LZTR1: variants seen among roughly 807,000 people sequenced by gnomAD.
LZTR1 encodes the protein leucine zipper like post translational regulator 1.
In LZTR1, 260 loss-of-function variants were observed where a neutral mutation model predicts 105.7. The ratio of observed to expected loss-of-function variants is 2.46; its 90% CI spans 2.22 to 2.72. LZTR1 has a LOEUF of 2.72. Among genes scored for constraint, LZTR1 ranks in the 30% most tolerant of loss-of-function variants. The pLI is 0.00. For missense variants in LZTR1, 1,214 were observed against 1,166.9 expected (o/e 1.04, Z -0.59); for synonymous variants, 490 against 476.4 (o/e 1.03, Z -0.37).
Position 20,982,350 on chromosome 22 carries a change from G to A in LZTR1, c.-22G>A, listed in dbSNP as rs757590768. The A allele has an allele frequency of 1.1e-5, 17 of 1,535,966 alleles. No individual in the cohort carries two copies. The highest frequency in any genetic ancestry group is 1.4e-5 in the Non-Finnish European group (16 of 1,138,628). ...GGCCGCAAGTTGGGCTTACAGCGCG[G>A]CCGATCCGGCGTGGACCCGGGATGG... On this transcript the variant is annotated 5_prime_UTR_variant, in exon 1 of 21. Coordinates refer to ENST00000646124, the MANE Select transcript of LZTR1 (RefSeq NM_006767.4).
rs192916675 is a variant in LZTR1, at chr22:20,985,027, G to A, written c.264-814G>A. 1.3e-4 allele frequency among the ~76,000 whole-genome samples: 19 copies of A among 151,826 alleles called. No homozygotes were observed. The East Asian group carries it at 1.9e-3, about 16-fold the overall frequency. On this transcript the variant is annotated intron_variant, in intron 2 of 20. Coordinates refer to ENST00000646124, the MANE Select transcript of LZTR1 (RefSeq NM_006767.4). Reference sequence around the variant, plus strand: ...TCACTTGAGGCCAGGCATTCAAGACGAGCCTGGGCAGGAAAGCAAGACTTC... The same window carrying A: ...TCACTTGAGGCCAGGCATTCAAGACAAGCCTGGGCAGGAAAGCAAGACTTC...
intron 8 of LZTR1, 42 bp from the exon 9 acceptor site, chr22:20,991,586 G>A (rs376910406): frequency 2.3e-5 from 33 of 1,464,668 alleles, no homozygotes; most frequent in Middle Eastern, 4.8e-4. Flanking sequence ...GGGTGAGCAG[G>A]AGCCCCTGTC....
At chr22:20,992,664 T>A in intron 10 of LZTR1, 130 bp from the exon 11 acceptor site, 1 of 666,204 alleles carries the variant, frequency 1.5e-6, no homozygotes, top group Non-Finnish European at 2.6e-6. Flanking sequence ...GGGGCCCTCA[T>A]CCCTTGGGGA....
chr22:20,988,370 C>T (rs1271456697), intron 5 of LZTR1, among the ~76,000 whole-genome samples: 3 of 152,112 alleles, frequency 2.0e-5, no homozygotes, highest in African/African-American at 4.8e-5. Flanking sequence ...TTTGGGAAGC[C>T]GAGGTGGGAA....
rs1924360657 is a variant in LZTR1, at chr22:20,985,823, C to A, written c.264-18C>A. 5 of 1,613,798 alleles carry A rather than the reference C, an allele frequency of 3.1e-6. No individual in the cohort carries two copies. The South Asian group carries it at 4.4e-5, about 14-fold the overall frequency. ...GTAGACCTGGCTAATGCCACCCTCTCTTCCGGCTGCCTTTCAGGAAGACCA... is the reference window on the plus strand; with the variant it reads ...GTAGACCTGGCTAATGCCACCCTCTATTCCGGCTGCCTTTCAGGAAGACCA... On this transcript the variant is annotated intron_variant, in intron 2 of 20. Coordinates refer to ENST00000646124, the MANE Select transcript of LZTR1 (RefSeq NM_006767.4).
chr22:20,991,732 T>C lies in LZTR1; in HGVS notation c.896T>C (p.Phe299Ser). 1 of 1,579,356 alleles carries C rather than the reference T, an allele frequency of 6.3e-7. No homozygotes were observed. Among genetic ancestry groups the C allele is most frequent in the South Asian group, 1.2e-5 (1 of 86,572 alleles). The change falls in exon 9 of 21, where the codon TTT becomes TCT. Residue 299 changes from phenylalanine to serine, a missense_variant. Transcript: ENST00000646124. ...GCCTTTGACCGCCACCTCTATGTGTTTGGGGGTGCGGCCGACAACACGCTG... is the reference window on the plus strand; with the variant it reads ...GCCTTTGACCGCCACCTCTATGTGTCTGGGGGTGCGGCCGACAACACGCTG... ...MVAFDRHLYV[F>S]GGAADNTLPN...
At chr22:20,988,964 A>G in intron 6 of LZTR1, 92 bp downstream of exon 6, 2 of 1,125,786 alleles carry the variant, frequency 1.8e-6, no homozygotes, top group Non-Finnish European at 2.7e-6. Flanking sequence ...GGCTGGGAGG[A>G]TTTTGAGTGC....
At position 20,996,772 on chromosome 22, in the gene LZTR1, A is replaced by G. The variant is rs766793703; in HGVS notation, c.2296A>G (p.Met766Val). The G allele has an allele frequency of 3.1e-6, 5 of 1,613,414 alleles. No homozygotes were observed. In the Admixed American group the frequency reaches 5.0e-5, roughly 16 times the overall value. Residue 766 changes from methionine to valine, a missense_variant, in exon 19 of 21, where the codon ATG becomes GTG. Physicochemically the swap from Met to Val is conservative, Grantham distance 21. Transcript: ENST00000646124. The part of the protein sequence containing the change: ...LQAYCKQNLE[M>V]NVTVQNVLQI... The stretch of plus-strand genomic sequence containing the variant: ...GGCGTACTGCAAGCAGAACCTGGAG[A>G]TGAACGTGACGGTGCAGAACGTGCT...
rs1362780940 is a variant in LZTR1 at position 20,989,613 on chromosome 22, G to A, written c.594-12G>A. 6.2e-7 allele frequency: 1 copy of A among 1,613,124 alleles called. No homozygotes were observed. The highest frequency in any genetic ancestry group is 8.5e-7 in the Non-Finnish European group (1 of 1,179,350). ...AGACCCAAGGGGTCCTCACTGGTCT[G>A]TCCTAATACAGGTTGAATGACATGT... On this transcript the variant is annotated splice_polypyrimidine_tract_variant and intron_variant, in intron 6 of 20. Coordinates refer to ENST00000646124, the MANE Select transcript of LZTR1 (RefSeq NM_006767.4).
Position 20,992,204 on chromosome 22 carries a change from C to T in LZTR1, c.994-10C>T. The T allele has an allele frequency of 1.2e-6, 2 of 1,612,140 alleles. No homozygotes were observed. The highest frequency in any genetic ancestry group is 2.2e-5 in the South Asian group (2 of 90,908). On this transcript the variant is annotated splice_polypyrimidine_tract_variant and intron_variant, in intron 9 of 20. Coordinates refer to ENST00000646124, the MANE Select transcript of LZTR1 (RefSeq NM_006767.4). The stretch of plus-strand genomic sequence containing the variant: ...AACTGGTCTCATGCCCATGTGTCTC[C>T]CCTCTTCAGGTTGGTGGGGCTGAAG...
At position 20,987,488 on chromosome 22, in the gene LZTR1, CCT is replaced by C. The variant is rs780862574; in HGVS notation, c.321-15_321-14del. 27 of 1,561,660 alleles carry C rather than the reference CCT, an allele frequency of 1.7e-5. No homozygotes were observed. Among genetic ancestry groups the C allele is most frequent in the Middle Eastern group, 1.7e-4 (1 of 5,954 alleles). On this transcript the variant is annotated splice_polypyrimidine_tract_variant and intron_variant, in intron 3 of 20. Transcript: ENST00000646124. The stretch of plus-strand genomic sequence containing the variant: ...GTGACCCCCGCTGACTCTCACCACC[CCT>C]GTGCCCACCCCAGGGCCTTTACCAC...
chr22:20,982,650 G>C (rs111796535), intron 1 of LZTR1, 79 bp downstream of exon 1: 56 of 1,383,098 alleles, frequency 4.0e-5, no homozygotes, highest in Non-Finnish European at 5.4e-5. Flanking sequence ...GGGCGAAGCC[G>C]GGGGGTGGTG....
At position 20,994,556 on chromosome 22, in the gene LZTR1, A is replaced by G. The variant is rs1328046881; in HGVS notation, c.1616-2A>G. On this transcript the variant is annotated splice_acceptor_variant, in intron 14 of 20. Coordinates refer to ENST00000646124, the MANE Select transcript of LZTR1 (RefSeq NM_006767.4). LOFTEE classifies it high-confidence loss of function. Reference sequence around the variant, plus strand: ...CTGAGATTCGGGGGCTCTGGGGCGCAGGCCATGTGGAGGATGTGCTGCTCA... The same window carrying G: ...CTGAGATTCGGGGGCTCTGGGGCGCGGGCCATGTGGAGGATGTGCTGCTCA... 3 of 1,608,310 alleles carry G rather than the reference A, an allele frequency of 1.9e-6. No individual in the cohort carries two copies. The highest frequency in any genetic ancestry group is 1.1e-5 in the South Asian group (1 of 91,072).
chr22:20,993,297 T>TATCATTAAAAAA, intron 11 of LZTR1: 1 of 438,064 alleles, frequency 2.3e-6, no homozygotes, highest in South Asian at 2.8e-5. Flanking sequence ...CACAGTGAGG[T>TATCATTAAAAAA]CAGGGCCAGC....
In LZTR1 at chr22:20,988,123, G is replaced by A. The variant is rs745873109; in HGVS notation, c.509+5G>A. Reference sequence around the variant, plus strand: ...GGAGTGGAAAATTGAAGGACGGTGAGAAACTTTGCAGAAACATTTGGGACA... The same window carrying A: ...GGAGTGGAAAATTGAAGGACGGTGAAAAACTTTGCAGAAACATTTGGGACA... On this transcript the variant is annotated splice_donor_5th_base_variant and intron_variant, in intron 5 of 20. Coordinates refer to ENST00000646124, the MANE Select transcript of LZTR1 (RefSeq NM_006767.4). The A allele has an allele frequency of 1.3e-6, 2 of 1,588,420 alleles. No homozygotes were observed. The highest frequency in any genetic ancestry group is 1.7e-6 in the Non-Finnish European group (2 of 1,156,832).
chr22:20,985,932 C>T (rs1167269533), intron 3 of LZTR1, 35 bp downstream of exon 3: 1 of 1,607,138 alleles, frequency 6.2e-7, no homozygotes, highest in East Asian at 2.2e-5. Flanking sequence ...CCTGCCTTTC[C>T]TCCTAGAACA....
chr22:20,996,004 G>A lies in LZTR1; in HGVS notation c.2111G>A (p.Gly704Glu), dbSNP rs747682745. 1 of 1,613,706 alleles carries A rather than the reference G, an allele frequency of 6.2e-7. No homozygotes were observed. The highest frequency in any genetic ancestry group is 8.5e-7 in the Non-Finnish European group (1 of 1,180,020). ...AMFRSFMPED[G>E]QVNISIGEMV... Reference sequence around the variant, plus strand: ...TTCCGGTCCTTCATGCCCGAAGATGGGCAGGTGAACATCTCCATCGGGGAG... The same window carrying A: ...TTCCGGTCCTTCATGCCCGAAGATGAGCAGGTGAACATCTCCATCGGGGAG... Residue 704 changes from glycine (G) to glutamate (E), a missense_variant, in exon 18 of 21, where the codon GGG becomes GAG. By Grantham distance (98) the Gly-to-Glu change is moderately conservative. Coordinates refer to ENST00000646124, the MANE Select transcript of LZTR1 (RefSeq NM_006767.4).
chr22:20,982,620 G>C (rs757150601), intron 1 of LZTR1, 49 bp downstream of exon 1: 6 of 1,577,800 alleles, frequency 3.8e-6, no homozygotes, highest in Non-Finnish European at 5.2e-6. Flanking sequence ...CGATCTGCGA[G>C]GGTCCCAGGG....
chr22:20,993,986 G>A lies in LZTR1; in HGVS notation c.1416G>A (p.Arg472=), dbSNP rs367740343. 2.8e-4 allele frequency: 456 copies of A among 1,612,108 alleles called. 4 individuals are homozygous for A. The South Asian group carries it at 4.1e-3, about 14-fold the overall frequency. ...CAGCGCGGAGCCGCTGGCTTCGCAG[G>A]AAGATCACGCAGGCGCGGGAGAGGC... is the stretch of plus-strand genomic sequence containing the variant. ...IVTARSRWLR[R]KITQARERLA... The change falls in exon 13 of 21, where the codon AGG becomes AGA. Residue 472 remains arginine, a synonymous_variant. Transcript: ENST00000646124.
Sources: allele counts gnomAD v4.1 joint callset (sites outside exome capture counted in the v4.1 genomes callset), GRCh38; gene constraint gnomAD v4.1.1; transcripts MANE v1.5; gene names NCBI Gene and HGNC (gene_info 2026-07-23, HGNC 2026-07-21).